The following NTM variants were observed in gnomAD, a reference collection of about 807,000 sequenced individuals.
NTM encodes IgLON family member 2.
In NTM, 13 loss-of-function variants were observed where a neutral mutation model predicts 42.1. That is an observed-to-expected ratio of 0.31 (90% confidence interval 0.20 to 0.49). The LOEUF is 0.49. Among genes scored for constraint, NTM ranks in the 20% least tolerant of loss-of-function variants. NTM has a pLI of 0.99. For synonymous variants in NTM, 187 were observed against 179.2 expected, an observed-to-expected ratio of 1.04 and a Z score of -0.35; for missense variants, 373 against 452.8, an observed-to-expected ratio of 0.82 and a Z score of 1.60.
intron 1 of NTM, among the ~76,000 whole-genome samples, chr11:131,565,152 C>T (rs2137034700): frequency 6.6e-6 from 1 of 152,302 alleles, no homozygotes; most frequent in East Asian, 1.9e-4. Flanking sequence ...CAACACTGTC[C>T]CCTGTGAACA....
intron 2 of NTM, among the ~76,000 whole-genome samples, chr11:131,985,831 C>G (rs370028562): frequency 1.8e-4 from 27 of 152,258 alleles, no homozygotes; most frequent in African/African-American, 6.3e-4. Context: ...ATCTCTCTTA[C>G]AATATCCACC....
At chr11:132,016,947 G>A (rs1197793981) in intron 2 of NTM, among the ~76,000 whole-genome samples, 1 of 151,912 alleles carries the variant, frequency 6.6e-6, no homozygotes, top group African/African-American at 2.4e-5. Flanking sequence ...ATCTTCTTGT[G>A]TGAGGTGTCT....
chr11:131,902,795 A>C (rs2053355240), intron 1 of NTM, among the ~76,000 whole-genome samples: 1 of 151,966 alleles, frequency 6.6e-6, no homozygotes. Context: ...ACCCAATTAC[A>C]CTCTTGCTGC....
chr11:131,473,708 C>T (rs558016715), intron 1 of NTM, among the ~76,000 whole-genome samples: 3 of 152,114 alleles, frequency 2.0e-5, no homozygotes, highest in South Asian at 4.2e-4. Context: ...GAGGGAGGGG[C>T]TCACTCTCTC....
chr11:131,901,618 G>T (rs2053171180), intron 1 of NTM, among the ~76,000 whole-genome samples: 1 of 151,164 alleles, frequency 6.6e-6, no homozygotes, highest in Non-Finnish European at 1.5e-5. Flanking sequence ...ATCTACCCTT[G>T]ATTTATATCT....
chr11:131,605,608 T>C (rs1243281188), intron 1 of NTM: 3 of 161,134 alleles, frequency 1.9e-5, no homozygotes, highest in Admixed American at 6.5e-5. Context: ...AACATCCTAG[T>C]ACAGTTCCTA....
intron 1 of NTM, among the ~76,000 whole-genome samples, chr11:131,910,618 G>A (rs1040773694): frequency 2.7e-5 from 4 of 150,668 alleles, no homozygotes; most frequent in African/African-American, 9.7e-5. Flanking sequence ...GCGCGTCGGG[G>A]CTGCTCCCGG....
intron 2 of NTM, among the ~76,000 whole-genome samples, chr11:131,966,638 G>T (rs992708131): frequency 3.3e-5 from 5 of 152,212 alleles, no homozygotes. Flanking sequence ...TGGACCTGGA[G>T]TGTCCATGGG....
At chr11:131,543,828 G>A (rs2053590668) in intron 1 of NTM, among the ~76,000 whole-genome samples, 1 of 152,218 alleles carries the variant, frequency 6.6e-6, no homozygotes, top group African/African-American at 2.4e-5. Flanking sequence ...TGTGCAGTAA[G>A]AACCTTCATC....
At chr11:131,524,439 G>A (rs1293690502) in intron 1 of NTM, among the ~76,000 whole-genome samples, 1 of 152,190 alleles carries the variant, frequency 6.6e-6, no homozygotes, top group Non-Finnish European at 1.5e-5. Context: ...TCAGAGAAAG[G>A]GGAAATGTAA....
At chr11:131,564,457 GGAGGGAGAGAGA>G (rs904102857) in intron 1 of NTM, among the ~76,000 whole-genome samples, 4 of 125,716 alleles carry the variant, frequency 3.2e-5, no homozygotes, top group African/African-American at 1.4e-4. Flanking sequence ...AGAGAGAGAG[GGAGGGAGAGAGA>G]GAGAGCAGGC....
intron 1 of NTM, among the ~76,000 whole-genome samples, chr11:131,614,878 T>C (rs4936143): frequency 0.82 from 124,416 of 152,222 alleles, 51,114 homozygotes; most frequent in African/African-American, 0.92. Context: ...CCAGCAGCAC[T>C]GGCCCTGCCC....
At position 132,069,958 on chromosome 11, in the gene NTM, C is replaced by G. The variant is rs71485728; in HGVS notation, c.168-76324C>G. Among the ~76,000 whole-genome samples the G allele has an allele frequency of 1.3e-3, 186 of 145,730 alleles. 2 individuals are homozygous for G. The highest frequency in any genetic ancestry group is 4.5e-3 in the African/African-American group (168 of 37,458). On this transcript the variant is annotated intron_variant, in intron 2 of 8. Transcript: ENST00000683400. ...ACAGGTTAGTTAACATGTCACACAGCCAAGTTAACACGTCAAACTGACGAT... is the reference window on the plus strand; with the variant it reads ...ACAGGTTAGTTAACATGTCACACAGGCAAGTTAACACGTCAAACTGACGAT...
chr11:131,838,899 G>A (rs1161917778), intron 1 of NTM, among the ~76,000 whole-genome samples: 1 of 151,920 alleles, frequency 6.6e-6, no homozygotes, highest in East Asian at 1.9e-4. Context: ...TGCCCTCTTT[G>A]GGTTTAGATT....
intron 1 of NTM, among the ~76,000 whole-genome samples, chr11:131,666,554 A>G (rs1007288283): frequency 2.0e-5 from 3 of 152,322 alleles, no homozygotes; most frequent in African/African-American, 4.8e-5. Flanking sequence ...AGAGGATCCC[A>G]GAATGAAGAG....
intron 4 of NTM, among the ~76,000 whole-genome samples, chr11:132,250,778 A>C (rs578030997): frequency 2.3e-4 from 35 of 152,102 alleles, no homozygotes; most frequent in Non-Finnish European, 4.4e-4. Flanking sequence ...TTATTAGTCA[A>C]GTTTGTCATG....
intron 1 of NTM, among the ~76,000 whole-genome samples, chr11:131,515,102 A>T (rs980372850): frequency 6.6e-6 from 1 of 151,954 alleles, no homozygotes; most frequent in Non-Finnish European, 1.5e-5. Flanking sequence ...TTTTGTAGAG[A>T]TGAGGTCTCC....
intron 1 of NTM, among the ~76,000 whole-genome samples, chr11:131,838,247 C>T (rs1161550980): frequency 2.0e-5 from 3 of 152,098 alleles, no homozygotes; most frequent in South Asian, 4.1e-4. Flanking sequence ...TCCCGGAAGT[C>T]GGGCTCTGTC....
rs530973125 is a variant in NTM, at chr11:131,507,949, C to T, written c.82+137061C>T. Reference sequence around the variant, plus strand: ...TAAAAACCCTAGAAGAAAACCTAGGCATTACCATTCAGGACATAGGCACGG... The same window carrying T: ...TAAAAACCCTAGAAGAAAACCTAGGTATTACCATTCAGGACATAGGCACGG... On this transcript the variant is annotated intron_variant, in intron 1 of 8. Transcript: ENST00000683400. Among the ~76,000 whole-genome samples, 5 of 152,272 alleles carry T rather than the reference C, an allele frequency of 3.3e-5. No individual in the cohort carries two copies. In the East Asian group the frequency reaches 9.7e-4, roughly 29 times the overall value.
Sources: allele counts gnomAD v4.1 joint callset (sites outside exome capture counted in the v4.1 genomes callset), GRCh38; gene constraint gnomAD v4.1.1; transcripts MANE v1.5; gene names NCBI Gene and HGNC (gene_info 2026-07-23, HGNC 2026-07-21).